The following NAALADL2 variants were observed in gnomAD, a reference collection of about 807,000 sequenced individuals.
NAALADL2 encodes inactive N-acetylated-alpha-linked acidic dipeptidase-like protein 2.
In NAALADL2, 76 loss-of-function variants were observed where a neutral mutation model predicts 87.2. The ratio of observed to expected loss-of-function variants is 0.87; its 90% CI spans 0.72 to 1.05. The LOEUF (loss-of-function observed/expected upper bound fraction) is 1.05. NAALADL2 is among the 50% of genes least tolerant of loss of function. NAALADL2 has a pLI of 0.00. For missense variants in NAALADL2, 1,089 were observed against 945.8 expected (o/e 1.15, Z -1.99); for synonymous variants, 354 against 331.0 (o/e 1.07, Z -0.75).
At chr3:175,611,563 A>T (rs1400907168) in intron 10 of NAALADL2, among the ~76,000 whole-genome samples, 1 of 152,108 alleles carries the variant, frequency 6.6e-6, no homozygotes, top group Non-Finnish European at 1.5e-5. Context: ...ATCAGAAGTG[A>T]TCCATTGTTT....
chr3:175,709,956 G>A (rs1002847167), intron 11 of NAALADL2, among the ~76,000 whole-genome samples: 1 of 151,956 alleles, frequency 6.6e-6, no homozygotes, highest in African/African-American at 2.4e-5. Flanking sequence ...TCAAGACTGT[G>A]AATACAAAAG....
At chr3:175,546,372 G>C (rs1405496965) in intron 9 of NAALADL2, among the ~76,000 whole-genome samples, 1 of 152,050 alleles carries the variant, frequency 6.6e-6, no homozygotes. Context: ...TTTAATTGGG[G>C]CATGTAGCGC....
chr3:174,924,791 T>A (rs1430446275), intron 1 of NAALADL2, among the ~76,000 whole-genome samples: 1 of 152,224 alleles, frequency 6.6e-6, no homozygotes, highest in Admixed American at 6.5e-5. Flanking sequence ...GTGGTTTTGC[T>A]TTGCATTTCT....
At chr3:174,983,642 C>T (rs749447730) in intron 1 of NAALADL2, among the ~76,000 whole-genome samples, 7 of 152,070 alleles carry the variant, frequency 4.6e-5, no homozygotes, top group Non-Finnish European at 8.8e-5. Context: ...TCTCTGAGGA[C>T]CTCTTTTTTA....
chr3:174,519,250 A>G lies in NAALADL2; in HGVS notation c.-183-31319A>G, dbSNP rs551097435. On this transcript the variant is annotated intron_variant, in intron 1 of 3. Transcript: ENST00000434257. Reference sequence around the variant, plus strand: ...TCAGAGATCTTTGAAACACAAGATAATTTAAAAGCTTCAATATTAAGATTA... The same window carrying G: ...TCAGAGATCTTTGAAACACAAGATAGTTTAAAAGCTTCAATATTAAGATTA... 1.8e-4 allele frequency among the ~76,000 whole-genome samples: 27 copies of G among 152,194 alleles called. No homozygotes were observed. In the South Asian group the frequency reaches 4.6e-3, roughly 26 times the overall value.
chr3:175,392,445 A>T (rs1371644446), intron 5 of NAALADL2, among the ~76,000 whole-genome samples: 2 of 152,184 alleles, frequency 1.3e-5, no homozygotes, highest in African/African-American at 4.8e-5. Context: ...GAATTCTGGA[A>T]ATATGAAATC....
intron 1 of NAALADL2, among the ~76,000 whole-genome samples, chr3:174,892,170 A>G (rs1730934612): frequency 6.6e-6 from 1 of 152,202 alleles, no homozygotes; most frequent in Admixed American, 6.5e-5. Flanking sequence ...GACACTGAAG[A>G]ACATCTACTA....
intron 2 of NAALADL2, among the ~76,000 whole-genome samples, chr3:174,586,955 G>T (rs1716791640): frequency 6.6e-6 from 1 of 151,760 alleles, no homozygotes; most frequent in Admixed American, 6.6e-5. Context: ...TTTACATTAG[G>T]TATATCTCCT....
At chr3:174,721,596 G>A (rs1345180945) in intron 2 of NAALADL2, among the ~76,000 whole-genome samples, 1 of 152,136 alleles carries the variant, frequency 6.6e-6, no homozygotes, top group Non-Finnish European at 1.5e-5. Context: ...TAAGTTTGAT[G>A]GTATGGAGGA....
intron 2 of NAALADL2, among the ~76,000 whole-genome samples, chr3:175,199,997 C>T (rs2109139399): frequency 6.8e-6 from 1 of 148,124 alleles, no homozygotes; most frequent in Middle Eastern, 3.6e-3. Flanking sequence ...AATACTCTTT[C>T]AGACTACTAC....
chr3:174,778,520 A>C (rs927343335), intron 3 of NAALADL2, among the ~76,000 whole-genome samples: 15 of 152,022 alleles, frequency 9.9e-5, no homozygotes, highest in Admixed American at 9.2e-4. Flanking sequence ...TCTGGGATAC[A>C]TGTGCAGAAC....
chr3:175,045,228 C>A (rs1004924581), intron 1 of NAALADL2, among the ~76,000 whole-genome samples: 1 of 152,138 alleles, frequency 6.6e-6, no homozygotes, highest in African/African-American at 2.4e-5. Flanking sequence ...GTCTAACTTT[C>A]ATACTGCATC....
upstream of NAALADL2, among the ~76,000 whole-genome samples, chr3:174,857,024 G>A (rs557512302): frequency 3.3e-5 from 5 of 152,268 alleles, no homozygotes; most frequent in East Asian, 9.6e-4. Flanking sequence ...GGGGCCTACT[G>A]TACCTATAAT....
chr3:175,462,263 T>C (rs1723257566), intron 6 of NAALADL2, among the ~76,000 whole-genome samples: 1 of 152,078 alleles, frequency 6.6e-6, no homozygotes, highest in African/African-American at 2.4e-5. Context: ...GTCTATTAAT[T>C]GAAAAACAAA....
At chr3:175,487,195 C>T (rs771681767) in intron 9 of NAALADL2, among the ~76,000 whole-genome samples, 3 of 152,114 alleles carry the variant, frequency 2.0e-5, no homozygotes, top group East Asian at 1.9e-4. Flanking sequence ...TTTTTCACAG[C>T]GAGACCCACC....
At chr3:175,182,029 G>A (rs565081306) in intron 2 of NAALADL2, among the ~76,000 whole-genome samples, 4 of 151,566 alleles carry the variant, frequency 2.6e-5, no homozygotes, top group Non-Finnish European at 5.9e-5. Flanking sequence ...AATGTACAAC[G>A]GTTCCTTTTC....
chr3:174,585,642 A>T (rs1716623163), intron 2 of NAALADL2, among the ~76,000 whole-genome samples: 1 of 150,970 alleles, frequency 6.6e-6, no homozygotes, highest in African/African-American at 2.4e-5. Context: ...TCATTGTGGA[A>T]TCAAAAGATA....
In NAALADL2 at chr3:175,530,570, G is replaced by A. The variant is rs543665502; in HGVS notation, c.1654-45471G>A. On this transcript the variant is annotated intron_variant, in intron 9 of 13. Coordinates refer to ENST00000454872, the MANE Select transcript of NAALADL2 (RefSeq NM_207015.3). ...CACTTTTGGATGGTGCCTGCATATCGTGCAGAACCATCTGTGAACCAGGCC... is the reference window on the plus strand; with the variant it reads ...CACTTTTGGATGGTGCCTGCATATCATGCAGAACCATCTGTGAACCAGGCC... Among the ~76,000 whole-genome samples the A allele has an allele frequency of 3.9e-5, 6 of 152,252 alleles. 1 individual carries two copies. The highest frequency in any genetic ancestry group is 3.9e-4 in the East Asian group (2 of 5,152).
chr3:175,495,838 G>A (rs1728736280), intron 9 of NAALADL2, among the ~76,000 whole-genome samples: 1 of 151,838 alleles, frequency 6.6e-6, no homozygotes, highest in Non-Finnish European at 1.5e-5. Context: ...TGATTAACCT[G>A]CCATTTTTTT....
Sources: gnomAD v4.1 joint callset for allele counts (sites outside exome capture counted in the v4.1 genomes callset) on GRCh38, gnomAD v4.1.1 for gene constraint, MANE v1.5 for transcripts, NCBI Gene and HGNC (gene_info 2026-07-23, HGNC 2026-07-21) for gene names.